The following LRRC37A2 variants were observed in gnomAD, a reference collection of about 807,000 sequenced individuals.
LRRC37A2 encodes the protein leucine-rich repeat-containing protein 37A2.
LRRC37A2 carries 9 observed loss-of-function variants against 68.8 expected under a neutral mutation model. The ratio of observed to expected loss-of-function variants is 0.13; its 90% CI spans 0.08 to 0.23. The LOEUF is 0.23. LRRC37A2 is among the 10% of genes least tolerant of loss of function. LRRC37A2 has a pLI of 1.00. For synonymous variants in LRRC37A2, 63 were observed against 367.6 expected, an observed-to-expected ratio of 0.17 and a Z score of 9.48; for missense variants, 168 against 950.4, an observed-to-expected ratio of 0.18 and a Z score of 10.82.
At chr17:47,031,115 A>G in the LRRC37A2 span, among the ~76,000 whole-genome samples, 1 of 150,052 alleles carries the variant, frequency 6.7e-6, no homozygotes, top group East Asian at 2.0e-4. Context: ...TGAAGCCTCT[A>G]TGTTATTGAC....
the LRRC37A2 span, among the ~76,000 whole-genome samples, chr17:46,722,747 T>A: frequency 6.6e-6 from 1 of 152,098 alleles, no homozygotes; most frequent in Non-Finnish European, 1.5e-5. Flanking sequence ...AATGTACGTG[T>A]GAGAAGAAAA....
At chr17:46,902,457 A>AGTGC in the LRRC37A2 span, among the ~76,000 whole-genome samples, 2 of 101,594 alleles carry the variant, frequency 2.0e-5, no homozygotes, top group African/African-American at 9.9e-5. Context: ...ATAAGGGAAC[A>AGTGC]GTGCGTGTGT....
At chr17:46,791,512 A>T in the LRRC37A2 span, among the ~76,000 whole-genome samples, 1 of 151,896 alleles carries the variant, frequency 6.6e-6, no homozygotes, top group Admixed American at 6.5e-5. Flanking sequence ...CGGCCTCCTC[A>T]CTGTTTTCTG....
At chr17:46,754,216 A>T in the LRRC37A2 span, among the ~76,000 whole-genome samples, 1 of 151,772 alleles carries the variant, frequency 6.6e-6, no homozygotes, top group Non-Finnish European at 1.5e-5. Flanking sequence ...CAAAAAGGAA[A>T]AATGTTTCTT....
chr17:46,940,196 A>T, the LRRC37A2 span: 1 of 1,387,326 alleles, frequency 7.2e-7, no homozygotes, highest in South Asian at 1.7e-5. Context: ...CCCCTTTGGT[A>T]AGTTTTCTTA....
Position 46,555,390 on chromosome 17 carries a change from T to A in LRRC37A2, c.5020T>A (p.Ser1674Thr), listed in dbSNP as rs374337863. 29 of 1,500,718 alleles carry A rather than the reference T, an allele frequency of 1.9e-5. 4 individuals are homozygous for A. The highest frequency in any genetic ancestry group is 2.6e-5 in the Non-Finnish European group (29 of 1,110,366). 93.0% of individuals were successfully genotyped at this position (1,500,718 alleles called of 1,614,324 possible). A position where few individuals can be genotyped will look rare whatever the true frequency, so the allele number is the denominator to read the frequency against. Residue 1674 changes from serine to threonine, a missense_variant, in exon 14 of 15, where the codon TCT becomes ACT. By Grantham distance (58) the Ser-to-Thr change is moderately conservative (BLOSUM62 1). Transcript: ENST00000576629. ...TGCATGGAAGCTGCACAAGAAGTCA[T>A]CTAATGAGGACAAGATCCTCAACAG...
chr17:46,760,078 C>A, the LRRC37A2 span, among the ~76,000 whole-genome samples: 1 of 152,060 alleles, frequency 6.6e-6, no homozygotes, highest in Non-Finnish European at 1.5e-5. Context: ...GACCAGTGGG[C>A]AACACAGCAA....
the LRRC37A2 span, among the ~76,000 whole-genome samples, chr17:47,024,213 C>T: frequency 1.3e-5 from 2 of 152,122 alleles, no homozygotes; most frequent in Admixed American, 1.3e-4. Context: ...ATATAAACAA[C>T]ATTTATGTTA....
the LRRC37A2 span, among the ~76,000 whole-genome samples, chr17:46,881,935 A>C: frequency 6.6e-6 from 1 of 152,178 alleles, no homozygotes; most frequent in Non-Finnish European, 1.5e-5. Flanking sequence ...AACATTGACA[A>C]AAATTATCTA....
chr17:46,722,917 C>T, the LRRC37A2 span, among the ~76,000 whole-genome samples: 52 of 152,272 alleles, frequency 3.4e-4, no homozygotes, highest in South Asian at 3.5e-3. Context: ...TGCACCTCTC[C>T]CTCTGATAGT....
At chr17:47,022,168 CTT>C in the LRRC37A2 span, among the ~76,000 whole-genome samples, 2 of 19,722 alleles carry the variant, frequency 1.0e-4, 1 homozygote, top group African/African-American at 1.9e-4. Flanking sequence ...TTTTTGTTCT[CTT>C]TTTTTTTTTT....
the LRRC37A2 span, among the ~76,000 whole-genome samples, chr17:46,844,305 CTTTTTTTTT>C: frequency 1.4e-4 from 18 of 127,440 alleles, no homozygotes; most frequent in Admixed American, 9.6e-4. Context: ...AGTTAGCCAC[CTTTTTTTTT>C]TTTTTTTTTT....
At chr17:46,813,759 C>T in the LRRC37A2 span, among the ~76,000 whole-genome samples, 1 of 152,190 alleles carries the variant, frequency 6.6e-6, no homozygotes, top group South Asian at 2.1e-4. Flanking sequence ...GTCTCCTGCC[C>T]AGACCAAGGA....
the LRRC37A2 span, among the ~76,000 whole-genome samples, chr17:47,032,516 G>T: frequency 6.6e-6 from 1 of 152,138 alleles, no homozygotes; most frequent in Non-Finnish European, 1.5e-5. Context: ...ATTTGGCTTT[G>T]TGTGCATTGT....
At chr17:47,000,041 A>AAT in the LRRC37A2 span, among the ~76,000 whole-genome samples, 21 of 26,698 alleles carry the variant, frequency 7.9e-4, no homozygotes, top group African/African-American at 1.4e-3. Context: ...AATAAAATAA[A>AAT]ATAAAATAAA....
the LRRC37A2 span, among the ~76,000 whole-genome samples, chr17:46,865,098 G>A: frequency 2.6e-5 from 4 of 152,210 alleles, no homozygotes; most frequent in Non-Finnish European, 4.4e-5. Flanking sequence ...TGATGCATAC[G>A]TGCCAGGGAC....
the LRRC37A2 span, chr17:46,773,924 A>G: frequency 6.2e-7 from 1 of 1,609,848 alleles, no homozygotes; most frequent in Non-Finnish European, 8.5e-7. Flanking sequence ...AGGCAGACAG[A>G]GGGTAGTAAC....
the LRRC37A2 span, chr17:46,930,838 AT>A: frequency 7.3e-6 from 3 of 409,118 alleles, no homozygotes; most frequent in Non-Finnish European, 1.3e-5. Context: ...TAGGAAATTT[AT>A]TTCTACAGAT....
the LRRC37A2 span, among the ~76,000 whole-genome samples, chr17:46,988,951 T>C: frequency 3.3e-5 from 5 of 152,186 alleles, no homozygotes; most frequent in South Asian, 6.2e-4. Context: ...AAGGTGCGAA[T>C]AGAGGAAGAC....
Sources: allele counts gnomAD v4.1 joint callset (sites outside exome capture counted in the v4.1 genomes callset), GRCh38; gene constraint gnomAD v4.1.1; transcripts MANE v1.5; gene names NCBI Gene and HGNC (gene_info 2026-07-23, HGNC 2026-07-21).